Variants in UBP1 observed in about 807,000 individuals in gnomAD.
UBP1 encodes upstream binding protein 1, also known as upstream-binding protein 1.
Under a neutral mutation model 76.1 loss-of-function variants are expected in UBP1, and 22 were observed. That is an observed-to-expected ratio of 0.29 (90% CI 0.21 to 0.41). The LOEUF (loss-of-function observed/expected upper bound fraction) is 0.41, where lower values mean the gene tolerates loss of function less well. Among genes scored for constraint, UBP1 ranks in the 10% least tolerant of loss-of-function variants. UBP1 has a pLI of 1.00. For synonymous variants in UBP1, 224 were observed against 237.1 expected (o/e 0.94, Z 0.51); for missense variants, 436 against 668.1 (o/e 0.65, Z 3.83).
Position 33,393,431 on chromosome 3 carries a change from C to T in UBP1, c.1414G>A (p.Glu472Lys), listed in dbSNP as rs755697161. The T allele has an allele frequency of 6.2e-7, 1 of 1,608,110 alleles. No homozygotes were observed. Among genetic ancestry groups the T allele is most frequent in the Non-Finnish European group, 8.5e-7 (1 of 1,178,118 alleles). ...PYVYHAIYLEEMIASEVARKL... is the reference protein window; with the variant it reads ...PYVYHAIYLEKMIASEVARKL... The stretch of plus-strand genomic sequence containing the variant: ...CGAGCAACTTCTGAGGCAATCATTT[C>T]TTCCAAGTAGATTGCATGATAAACT... Residue 472 changes from glutamate (E) to lysine (K), a missense_variant, in exon 14 of 16, where the codon GAA (glutamate) becomes AAA (lysine). By Grantham distance (56) the Glu-to-Lys change is moderately conservative (BLOSUM62 1). Transcript: ENST00000283629.
intron 1 of UBP1, among the ~76,000 whole-genome samples, chr3:33,431,508 C>T (rs918848578): frequency 1.3e-5 from 2 of 151,962 alleles, no homozygotes; most frequent in Non-Finnish European, 2.9e-5. Flanking sequence ...GAGACTGAGG[C>T]GGGCGGATCA....
chr3:33,421,862 G>A (rs1275617153), intron 2 of UBP1, among the ~76,000 whole-genome samples: 1 of 152,132 alleles, frequency 6.6e-6, no homozygotes, highest in East Asian at 1.9e-4. Context: ...TGACCAACAT[G>A]GTAAAACCCC....
At chr3:33,402,966 T>A (rs1038984048) in intron 8 of UBP1, 62 bp from the exon 9 acceptor site, 1 of 1,421,316 alleles carries the variant, frequency 7.0e-7, no homozygotes. Context: ...AGAAATATTT[T>A]TGTAATTCAC....
chr3:33,421,490 G>C (rs185949440), intron 2 of UBP1, among the ~76,000 whole-genome samples: 6 of 152,076 alleles, frequency 3.9e-5, no homozygotes, highest in Non-Finnish European at 8.8e-5. Context: ...GGCTGGTCTC[G>C]AACTCTTAAC....
chr3:33,430,010 A>G (rs553006356), intron 1 of UBP1, among the ~76,000 whole-genome samples: 7 of 152,262 alleles, frequency 4.6e-5, no homozygotes, highest in Non-Finnish European at 1.0e-4. Flanking sequence ...ACAAAATAGA[A>G]AAAACAACAT....
At chr3:33,432,619 G>C (rs890881642) in intron 1 of UBP1, among the ~76,000 whole-genome samples, 2 of 152,114 alleles carry the variant, frequency 1.3e-5, no homozygotes, top group Non-Finnish European at 2.9e-5. Context: ...TCTCATCTTT[G>C]CATTCCCCAC....
chr3:33,394,817 G>T (rs201503905), intron 13 of UBP1, among the ~76,000 whole-genome samples: 2,034 of 110,226 alleles, frequency 0.018, 20 homozygotes, highest in South Asian at 0.037. Context: ...CCCTCCACTT[G>T]TTTTTTTTTT....
At chr3:33,414,841 A>C (rs1259667096) in intron 3 of UBP1, among the ~76,000 whole-genome samples, 2 of 152,182 alleles carry the variant, frequency 1.3e-5, no homozygotes, top group Non-Finnish European at 2.9e-5. Flanking sequence ...TCAGTGGGCT[A>C]AATATTTAGA....
At chr3:33,419,621 T>C (rs1575482297) in intron 2 of UBP1, among the ~76,000 whole-genome samples, 1 of 125,752 alleles carries the variant, frequency 8.0e-6, no homozygotes, top group African/African-American at 3.3e-5. Flanking sequence ...AGAGGGAGAC[T>C]CCATCTCAAA....
chr3:33,435,592 T>C (rs1004349799), intron 1 of UBP1, among the ~76,000 whole-genome samples: 4 of 152,232 alleles, frequency 2.6e-5, no homozygotes, highest in Non-Finnish European at 2.9e-5. Flanking sequence ...TGAGCCATGA[T>C]TGTACCACTG....
intron 2 of UBP1, among the ~76,000 whole-genome samples, chr3:33,421,748 C>T (rs2044899743): frequency 6.6e-6 from 1 of 152,214 alleles, no homozygotes; most frequent in South Asian, 2.1e-4. Flanking sequence ...AAATATTCTT[C>T]ATCAAGAATG....
intron 15 of UBP1, chr3:33,392,167 C>G (rs1035458590): frequency 1.8e-5 from 3 of 163,148 alleles, no homozygotes; most frequent in Non-Finnish European, 4.0e-5. Flanking sequence ...TAAGTACCCC[C>G]ACACTTTCCT....
chr3:33,402,295 A>C (rs2044258740), intron 9 of UBP1, among the ~76,000 whole-genome samples: 1 of 152,164 alleles, frequency 6.6e-6, no homozygotes, highest in South Asian at 2.1e-4. Flanking sequence ...TAACAGAATA[A>C]AGAGTCCACC....
At chr3:33,408,886 A>T in intron 7 of UBP1, 89 bp from the exon 8 acceptor site, 1 of 1,148,176 alleles carries the variant, frequency 8.7e-7, no homozygotes, top group Non-Finnish European at 1.3e-6. Flanking sequence ...CAGTCCAATT[A>T]AACAAATGCA....
At chr3:33,421,971 G>A (rs1173346173) in intron 2 of UBP1, among the ~76,000 whole-genome samples, 4 of 152,292 alleles carry the variant, frequency 2.6e-5, no homozygotes, top group South Asian at 4.1e-4. Flanking sequence ...TTGAGCCTGG[G>A]TGGCAGAGGT....
intron 2 of UBP1, among the ~76,000 whole-genome samples, chr3:33,418,893 A>T (rs1409629975): frequency 6.6e-6 from 1 of 151,844 alleles, no homozygotes; most frequent in Non-Finnish European, 1.5e-5. Flanking sequence ...AATTGCTAAC[A>T]AATGTCCAGT....
intron 3 of UBP1, among the ~76,000 whole-genome samples, chr3:33,413,041 AAAT>A (rs1267443101): frequency 2.6e-5 from 4 of 152,190 alleles, no homozygotes; most frequent in African/African-American, 9.7e-5. Context: ...CTAAAATTAT[AAAT>A]AAAATGGTAA....
At chr3:33,437,851 C>T (rs1179915404) in intron 1 of UBP1, among the ~76,000 whole-genome samples, 1 of 152,094 alleles carries the variant, frequency 6.6e-6, no homozygotes, top group Non-Finnish European at 1.5e-5. Context: ...TTGGAATTTC[C>T]TTAGTTTGAG....
chr3:33,422,415 G>A (rs190586841), intron 2 of UBP1, among the ~76,000 whole-genome samples: 5 of 151,890 alleles, frequency 3.3e-5, no homozygotes, highest in Admixed American at 6.6e-5. Flanking sequence ...GAAGGGAGGA[G>A]GGAGGAAAGA....
Sources: gnomAD v4.1 joint callset for allele counts (sites outside exome capture counted in the v4.1 genomes callset) on GRCh38, gnomAD v4.1.1 for gene constraint, MANE v1.5 for transcripts, NCBI Gene and HGNC (gene_info 2026-07-23, HGNC 2026-07-21) for gene names.